Variants in PAK2 observed in about 807,000 individuals in gnomAD.
The protein encoded by PAK2 is p21 (RAC1) activated kinase 2.
Under a neutral mutation model 65.9 loss-of-function variants are expected in PAK2, and 21 were observed. The observed-to-expected ratio is 0.32, with a 90% confidence interval of 0.23 to 0.46. The LOEUF (loss-of-function observed/expected upper bound fraction) is 0.46, where lower values mean the gene tolerates loss of function less well. PAK2 is among the 20% of genes least tolerant of loss of function. The pLI is 1.00. For missense variants in PAK2, 324 were observed against 642.6 expected (o/e 0.50, Z 5.36); for synonymous variants, 204 against 219.7 (o/e 0.93, Z 0.63).
rs10710047 is a variant in PAK2 at position 196,755,457 on chromosome 3, CTTTT to C, written c.-22+15315_-22+15318del. Among the ~76,000 whole-genome samples, 9 of 123,666 alleles carry C rather than the reference CTTTT, an allele frequency of 7.3e-5. No homozygotes were observed. The South Asian group carries it at 1.3e-3, about 18-fold the overall frequency. 81.1% of individuals were successfully genotyped at this position (123,666 alleles called of 152,430 possible). A position where few individuals can be genotyped will look rare whatever the true frequency, so the allele number is the denominator to read the frequency against. ...AGTGTTTACGCATTTCTTCTTCCGACTTTTTTTTTTTTTTTTTTGAGATGGAGTT... is the reference window on the plus strand; with the variant it reads ...AGTGTTTACGCATTTCTTCTTCCGACTTTTTTTTTTTTTTGAGATGGAGTT... On this transcript the variant is annotated intron_variant, in intron 1 of 14. Coordinates refer to ENST00000327134, the MANE Select transcript of PAK2 (RefSeq NM_002577.4).
rs79366544 is a variant in PAK2 at position 196,799,078 on chromosome 3, A to G, written c.188-2849A>G. On this transcript the variant is annotated intron_variant, in intron 2 of 14. Coordinates refer to ENST00000327134, the MANE Select transcript of PAK2 (RefSeq NM_002577.4). ...AAAAAAATTTTTTTTAAGAAAACGAATAAAAGGAATCCAGATTGGAAAGAA... is the reference window on the plus strand; with the variant it reads ...AAAAAAATTTTTTTTAAGAAAACGAGTAAAAGGAATCCAGATTGGAAAGAA... Among the ~76,000 whole-genome samples the G allele has an allele frequency of 1.4e-3, 219 of 152,332 alleles. 3 individuals carry two copies. The East Asian group carries it at 0.025, about 17-fold the overall frequency.
intron 1 of PAK2, among the ~76,000 whole-genome samples, chr3:196,753,222 G>C (rs1713666041): frequency 6.6e-6 from 1 of 152,114 alleles, no homozygotes. Context: ...CTCCCAAAGT[G>C]CTGGGATTGC....
chr3:196,759,498 G>GT (rs71301221), intron 1 of PAK2, among the ~76,000 whole-genome samples: 17 of 108,152 alleles, frequency 1.6e-4, no homozygotes, highest in African/African-American at 5.4e-4. Context: ...GGTTTTTTTT[G>GT]TTTTTTTTTT....
chr3:196,767,224 G>T (rs1360582204), intron 1 of PAK2, among the ~76,000 whole-genome samples: 1 of 152,128 alleles, frequency 6.6e-6, no homozygotes, highest in Non-Finnish European at 1.5e-5. Flanking sequence ...TAATGCTACA[G>T]TGACAGCCTA....
intron 1 of PAK2, among the ~76,000 whole-genome samples, chr3:196,762,795 CAA>C (rs63606860): frequency 3.5e-4 from 47 of 135,098 alleles, no homozygotes; most frequent in East Asian, 1.8e-3. Flanking sequence ...AACTCCGTCT[CAA>C]AAAAAAAAAA....
At chr3:196,761,534 GA>G (rs748636297) in intron 1 of PAK2, among the ~76,000 whole-genome samples, 2 of 106,896 alleles carry the variant, frequency 1.9e-5, no homozygotes, top group Admixed American at 1.0e-4. Flanking sequence ...AGAACAAAAT[GA>G]AAAGTCTCCC....
chr3:196,749,703 C>T (rs1713504980), intron 1 of PAK2, among the ~76,000 whole-genome samples: 1 of 152,138 alleles, frequency 6.6e-6, no homozygotes, highest in Non-Finnish European at 1.5e-5. Flanking sequence ...GTGGCTGTAC[C>T]ATTTTGCATT....
At chr3:196,826,299 G>A (rs1486850440) in intron 13 of PAK2, among the ~76,000 whole-genome samples, 1 of 152,034 alleles carries the variant, frequency 6.6e-6, no homozygotes, top group Non-Finnish European at 1.5e-5. Context: ...AGCCTCCCGA[G>A]TAGCTGGGAC....
In PAK2 at chr3:196,830,059, C is replaced by T. The variant is rs1577759994; in HGVS notation, c.*1654C>T. On this transcript the variant is annotated 3_prime_UTR_variant, in exon 15 of 15. Transcript: ENST00000327134. ...ATTAACTTCCCCCCTGCTTGCCATCCTGCAGTAGTATAAATCATGAATAAA... is the reference window on the plus strand; with the variant it reads ...ATTAACTTCCCCCCTGCTTGCCATCTTGCAGTAGTATAAATCATGAATAAA... 6.6e-6 allele frequency: 1 copy of T among 150,714 alleles called. No homozygotes were observed. The highest frequency in any genetic ancestry group is 2.1e-4 in the South Asian group (1 of 4,682). 9.3% of individuals were successfully genotyped at this position (150,714 alleles called of 1,614,324 possible).
At chr3:196,825,468 C>A (rs1194531201) in intron 13 of PAK2, among the ~76,000 whole-genome samples, 1 of 151,056 alleles carries the variant, frequency 6.6e-6, no homozygotes, top group Admixed American at 6.6e-5. Context: ...ACAGTGAAAC[C>A]CCGTCTCTAC....
At chr3:196,779,815 C>A (rs529016366) in intron 1 of PAK2, among the ~76,000 whole-genome samples, 1 of 152,192 alleles carries the variant, frequency 6.6e-6, no homozygotes, top group African/African-American at 2.4e-5. Context: ...GGACTACAGG[C>A]GTGCGCCACC....
intron 1 of PAK2, among the ~76,000 whole-genome samples, chr3:196,744,630 A>C (rs2108704314): frequency 8.5e-6 from 1 of 116,982 alleles, no homozygotes; most frequent in Middle Eastern, 3.8e-3. Flanking sequence ...TTACTGAGTT[A>C]GAAATAAGTA....
intron 2 of PAK2, among the ~76,000 whole-genome samples, chr3:196,799,766 T>A (rs1439354967): frequency 6.6e-6 from 1 of 152,164 alleles, no homozygotes; most frequent in Non-Finnish European, 1.5e-5. Context: ...GCAATTCTTG[T>A]GCCGCTATAC....
chr3:196,786,166 CTT>C (rs201222000), intron 2 of PAK2, among the ~76,000 whole-genome samples: 66 of 142,262 alleles, frequency 4.6e-4, no homozygotes, highest in Non-Finnish European at 7.1e-4. Flanking sequence ...ATCAATTTCT[CTT>C]TTTTTTTTTT....
chr3:196,811,411 G>A lies in PAK2; in HGVS notation c.773+758G>A, dbSNP rs183605851. ...CTTTTTTTTTTTTTTTTTTTTTGGC[G>A]GAGTCTGTCACTCAGGCTGGAGTGC... On this transcript the variant is annotated intron_variant, in intron 8 of 14. Coordinates refer to ENST00000327134, the MANE Select transcript of PAK2 (RefSeq NM_002577.4). Among the ~76,000 whole-genome samples the A allele has an allele frequency of 6.9e-3, 375 of 54,688 alleles. 20 individuals carry two copies. The Admixed American group carries it at 0.07, about 10-fold the overall frequency. The allele number at this position is 54,688 out of a possible 152,430, so 35.9% of individuals were successfully genotyped here. A position where few individuals can be genotyped will look rare whatever the true frequency, so the allele number is the denominator to read the frequency against.
At chr3:196,784,886 C>G (rs1241920211) in intron 2 of PAK2, 1 of 151,910 alleles carries the variant, frequency 6.6e-6, no homozygotes, top group Admixed American at 6.6e-5. Context: ...TCTCCAGCAC[C>G]TGTTGTTTCC....
At chr3:196,819,184 G>A (rs1711572349) in intron 12 of PAK2, among the ~76,000 whole-genome samples, 2 of 152,222 alleles carry the variant, frequency 1.3e-5, no homozygotes, top group Non-Finnish European at 2.9e-5. Context: ...GCTCACGCCT[G>A]TAATCCCAGC....
intron 1 of PAK2, among the ~76,000 whole-genome samples, chr3:196,762,145 C>T (rs1211214731): frequency 9.0e-6 from 1 of 111,204 alleles, no homozygotes; most frequent in Non-Finnish European, 2.1e-5. Context: ...GATGGGCGCC[C>T]GGGCAGAGAC....
At position 196,774,265 on chromosome 3, in the gene PAK2, T is replaced by C. The variant is rs568270769; in HGVS notation, c.-21-8361T>C. Among the ~76,000 whole-genome samples, 388 of 152,324 alleles carry C rather than the reference T, an allele frequency of 2.5e-3. 1 individual carries two copies. Among genetic ancestry groups the C allele is most frequent in the Non-Finnish European group, 2.7e-3 (183 of 68,030 alleles). On this transcript the variant is annotated intron_variant, in intron 1 of 14. Transcript: ENST00000327134. The stretch of plus-strand genomic sequence containing the variant: ...ATTCAGAGTTGTTAGGAAACTTGAG[T>C]TCTAGTCTTAGTTCTGTTAGTAATT...
Sources: gnomAD v4.1 joint callset for allele counts (sites outside exome capture counted in the v4.1 genomes callset) on GRCh38, gnomAD v4.1.1 for gene constraint, MANE v1.5 for transcripts, NCBI Gene and HGNC (gene_info 2026-07-23, HGNC 2026-07-21) for gene names.